CNN3: variants seen among roughly 807,000 people sequenced by gnomAD.
CNN3 encodes calponin 3.
In CNN3, 11 loss-of-function variants were observed where a neutral mutation model predicts 39.0. That is an observed-to-expected ratio of 0.28 (90% CI 0.18 to 0.47). The LOEUF is 0.47. Ranked by LOEUF, CNN3 falls within the 20% of genes least tolerant of loss-of-function variation. CNN3 has a pLI of 0.99. For missense variants in CNN3, 266 were observed against 403.4 expected (o/e 0.66, Z 2.92); for synonymous variants, 101 against 138.3 (o/e 0.73, Z 1.89).
At chr1:94,913,176 T>C (rs115007329) in intron 1 of CNN3, among the ~76,000 whole-genome samples, 18 of 152,334 alleles carry the variant, frequency 1.2e-4, no homozygotes, top group Non-Finnish European at 2.1e-4. Flanking sequence ...TTGAGTAAGT[T>C]AAAAAGCCAA....
intron 1 of CNN3, among the ~76,000 whole-genome samples, chr1:94,925,137 A>T (rs1321765421): frequency 2.0e-5 from 3 of 152,236 alleles, no homozygotes; most frequent in Non-Finnish European, 2.9e-5. Flanking sequence ...TATTATTAAC[A>T]TCCAAGAAAA....
chr1:94,898,163 A>T (rs903167037), intron 6 of CNN3, 80 bp from the exon 7 acceptor site: 23 of 1,368,344 alleles, frequency 1.7e-5, no homozygotes, highest in Non-Finnish European at 2.2e-5. Context: ...TATAGAATTC[A>T]CATTGAATAT....
intron 1 of CNN3, among the ~76,000 whole-genome samples, chr1:94,906,511 T>C (rs1473380997): frequency 6.6e-6 from 1 of 152,150 alleles, no homozygotes; most frequent in African/African-American, 2.4e-5. Context: ...CTAGGAGATA[T>C]ATTTTGATCA....
intron 1 of CNN3, among the ~76,000 whole-genome samples, chr1:94,918,139 A>C (rs1323151212): frequency 6.6e-6 from 1 of 152,214 alleles, no homozygotes; most frequent in Non-Finnish European, 1.5e-5. Flanking sequence ...ATCCAAATGT[A>C]CCCACCACCA....
At chr1:94,923,156 C>T (rs771146261) in intron 1 of CNN3, among the ~76,000 whole-genome samples, 18 of 152,232 alleles carry the variant, frequency 1.2e-4, no homozygotes, top group Non-Finnish European at 2.5e-4. Flanking sequence ...TTACGGGAAA[C>T]TACCCCCAAC....
intron 1 of CNN3, among the ~76,000 whole-genome samples, chr1:94,913,878 A>C (rs1671222723): frequency 6.6e-6 from 1 of 152,206 alleles, no homozygotes; most frequent in Non-Finnish European, 1.5e-5. Flanking sequence ...GTGCCAATGA[A>C]GCACAGGCAG....
At chr1:94,904,328 C>T (rs1670943523) in intron 1 of CNN3, among the ~76,000 whole-genome samples, 1 of 144,244 alleles carries the variant, frequency 6.9e-6, no homozygotes, top group African/African-American at 2.6e-5. Context: ...TAAGACCAGA[C>T]CTCAATTTAA....
intron 1 of CNN3, among the ~76,000 whole-genome samples, chr1:94,911,194 C>A (rs1671153282): frequency 6.6e-6 from 1 of 152,188 alleles, no homozygotes; most frequent in Non-Finnish European, 1.5e-5. Context: ...GAGGTCACCA[C>A]AGAATCTAAG....
In CNN3 at chr1:94,913,395, G is replaced by A. The variant is rs1475551918; in HGVS notation, c.58-9871C>T. 5.3e-5 allele frequency among the ~76,000 whole-genome samples: 8 copies of A among 152,188 alleles called. No individual in the cohort carries two copies. In the East Asian group the frequency reaches 1.5e-3, roughly 29 times the overall value. On this transcript the variant is annotated intron_variant, in intron 1 of 6. Coordinates refer to ENST00000370206, the MANE Select transcript of CNN3 (RefSeq NM_001839.5). The stretch of plus-strand genomic sequence containing the variant: ...AGTCAATTTGACAAAGCAAGGATTA[G>A]AATCCTTCTTCTACACAGAGTTACC...
intron 5 of CNN3, 90 bp from the exon 6 acceptor site, chr1:94,899,607 G>A (rs1670812856): frequency 1.3e-5 from 18 of 1,376,530 alleles, no homozygotes; most frequent in Middle Eastern, 2.5e-4. Flanking sequence ...CAAAAAGACA[G>A]AAGGGGCACA....
At position 94,926,162 on chromosome 1, in the gene CNN3, A is replaced by G. The variant is rs1004597257; in HGVS notation, c.57+676T>C. 3.9e-5 allele frequency among the ~76,000 whole-genome samples: 6 copies of G among 152,230 alleles called. No individual in the cohort carries two copies. Among genetic ancestry groups the G allele is most frequent in the African/African-American group, 1.4e-4 (6 of 41,460 alleles). ...TCAAACTTCTCAGTGTTTCATAAAA[A>G]GTCTCAAGCCTAAGCAGATATCACT... is the stretch of plus-strand genomic sequence containing the variant. On this transcript the variant is annotated intron_variant, in intron 1 of 6. Transcript: ENST00000370206. This position sits in a 1 kb window ranked among gnomAD's most constrained non-coding sequence, Gnocchi z 4.2.
rs776859156 is a variant in CNN3, at chr1:94,898,044, C to T, written c.688G>A (p.Asp230Asn). 6.2e-7 allele frequency: 1 copy of T among 1,614,052 alleles called. No homozygotes were observed. Among genetic ancestry groups the T allele is most frequent in the Non-Finnish European group, 8.5e-7 (1 of 1,179,956 alleles). ...ACCGGCTGTAATGTTAGCTTCTGAT[C>T]ATAGATGTCTCTTCTGGTACCTGGT... is the stretch of plus-strand genomic sequence containing the variant. ...LAPGTRRDIY[D>N]QKLTLQPVDN... The change falls in exon 7 of 7, where the codon GAT becomes AAT. Residue 230 changes from aspartate to asparagine, a missense_variant. Asp to Asn is a conservative substitution (Grantham distance 23, BLOSUM62 1). Coordinates refer to ENST00000370206, the MANE Select transcript of CNN3 (RefSeq NM_001839.5).
At chr1:94,909,371 T>C (rs1671099441) in intron 1 of CNN3, among the ~76,000 whole-genome samples, 1 of 152,114 alleles carries the variant, frequency 6.6e-6, no homozygotes, top group Admixed American at 6.5e-5. Context: ...AGGAGGTAAC[T>C]AGGAACAATG....
chr1:94,899,492 T>C lies in CNN3; in HGVS notation c.527A>G (p.Gln176Arg), dbSNP rs1670809249. ...LQMGTNKCAS[Q>R]AGMTAYGTRR... The stretch of plus-strand genomic sequence containing the variant: ...AGTCCCGTAAGCTGTCATACCTGCC[T>C]GGCTGGCACATTTGTTGGTTCCCAT... Residue 176 changes from glutamine to arginine, a missense_variant, in exon 6 of 7, where the codon CAG (glutamine) becomes CGG (arginine). Transcript: ENST00000370206. The C allele has an allele frequency of 6.2e-7, 1 of 1,611,344 alleles. No homozygotes were observed. Among genetic ancestry groups the C allele is most frequent in the Non-Finnish European group, 8.5e-7 (1 of 1,179,308 alleles).
intron 1 of CNN3, among the ~76,000 whole-genome samples, chr1:94,907,297 G>A (rs557002836): frequency 1.2e-4 from 18 of 152,232 alleles, no homozygotes; most frequent in African/African-American, 4.1e-4. Context: ...CAAATACTTC[G>A]AATATTTTTC....
At chr1:94,912,881 G>A (rs947509816) in intron 1 of CNN3, among the ~76,000 whole-genome samples, 1 of 152,170 alleles carries the variant, frequency 6.6e-6, no homozygotes, top group African/African-American at 2.4e-5. Flanking sequence ...CACTCCTGAA[G>A]TCCAGTTTAG....
intron 1 of CNN3, among the ~76,000 whole-genome samples, chr1:94,912,269 G>A (rs989808980): frequency 4.6e-5 from 7 of 152,104 alleles, no homozygotes; most frequent in African/African-American, 7.2e-5. Flanking sequence ...AACAAGGAGC[G>A]AACAAGTATA....
chr1:94,926,986 G>T lies in CNN3; in HGVS notation c.-92C>A, dbSNP rs1374420233. 8 of 1,405,110 alleles carry T rather than the reference G, an allele frequency of 5.7e-6. No homozygotes were observed. The highest frequency in any genetic ancestry group is 7.9e-6 in the Non-Finnish European group (8 of 1,018,340). The allele number at this position is 1,405,110 out of a possible 1,614,324, so 87.0% of individuals were successfully genotyped here. Reference sequence around the variant, plus strand: ...CCTGGCCCCGAGGAGTGGCCGCCGCGGGGGATGCTCGAACTCCCTCCTCTG... The same window carrying T: ...CCTGGCCCCGAGGAGTGGCCGCCGCTGGGGATGCTCGAACTCCCTCCTCTG... On this transcript the variant is annotated 5_prime_UTR_variant, in exon 1 of 7. Coordinates refer to ENST00000370206, the MANE Select transcript of CNN3 (RefSeq NM_001839.5). The surrounding 1 kb of genome is among the most constrained non-coding windows in gnomAD (Gnocchi z 4.2).
intron 1 of CNN3, among the ~76,000 whole-genome samples, chr1:94,906,439 T>C (rs113061882): frequency 6.6e-6 from 1 of 151,508 alleles, no homozygotes; most frequent in Non-Finnish European, 1.5e-5. Flanking sequence ...GCATTAACTA[T>C]GGAAAGCAAA....
Sources: allele counts gnomAD v4.1 joint callset (sites outside exome capture counted in the v4.1 genomes callset), GRCh38; gene constraint gnomAD v4.1.1; non-coding constraint Gnocchi (gnomAD v3.1); transcripts MANE v1.5; gene names NCBI Gene and HGNC (gene_info 2026-07-23, HGNC 2026-07-21).